CATSPERT: variants seen among roughly 807,000 people sequenced by gnomAD.
CATSPERT encodes the protein cation channel sperm-associated targeting subunit tau.
chr2:201,533,967 G>C, the CATSPERT span, among the ~76,000 whole-genome samples: 1 of 152,076 alleles, frequency 6.6e-6, no homozygotes, highest in Non-Finnish European at 1.5e-5. Context: ...TACATAGAAA[G>C]AGCACAAGTA....
chr2:201,574,489 T>C, the CATSPERT span, among the ~76,000 whole-genome samples: 2 of 152,234 alleles, frequency 1.3e-5, no homozygotes, highest in African/African-American at 4.8e-5. Flanking sequence ...AGTTAAGTAG[T>C]ATTATACAAT....
the CATSPERT span, among the ~76,000 whole-genome samples, chr2:201,592,668 T>C: frequency 6.6e-6 from 1 of 152,040 alleles, no homozygotes; most frequent in Non-Finnish European, 1.5e-5. Context: ...AGCCTGTTAT[T>C]GGTCTATTCA....
At chr2:201,611,477 G>A in the CATSPERT span, among the ~76,000 whole-genome samples, 1 of 152,112 alleles carries the variant, frequency 6.6e-6, no homozygotes, top group Admixed American at 6.5e-5. Context: ...GTTATAAGAG[G>A]AAAGGTTAGA....
the CATSPERT span, chr2:201,554,957 G>A: frequency 6.6e-6 from 1 of 152,196 alleles, no homozygotes; most frequent in African/African-American, 2.4e-5. Flanking sequence ...TGACATAATA[G>A]TCTTTTATGA....
chr2:201,530,296 G>GCATC, the CATSPERT span, among the ~76,000 whole-genome samples: 92,875 of 151,690 alleles, frequency 0.61, 30,176 homozygotes, highest in East Asian at 0.95. Context: ...AGAGATATCT[G>GCATC]CATCCCCGTG....
the CATSPERT span, chr2:201,494,113 T>TTC: frequency 6.5e-7 from 1 of 1,534,350 alleles, no homozygotes; most frequent in Non-Finnish European, 8.7e-7. Flanking sequence ...AGTCTTTGAA[T>TTC]TTAAAATGTC....
the CATSPERT span, chr2:201,491,296 G>T: frequency 1.3e-6 from 2 of 1,537,674 alleles, no homozygotes; most frequent in African/African-American, 2.7e-5. Flanking sequence ...TTTTGGTTGG[G>T]CGACACGGTC....
At chr2:201,491,241 G>A in the CATSPERT span, 21 of 1,537,904 alleles carry the variant, frequency 1.4e-5, no homozygotes, top group Middle Eastern at 1.7e-4. Flanking sequence ...TTCTTGTGGT[G>A]GGCAGTGTGG....
At chr2:201,533,978 G>T in the CATSPERT span, among the ~76,000 whole-genome samples, 2 of 152,066 alleles carry the variant, frequency 1.3e-5, no homozygotes, top group Non-Finnish European at 2.9e-5. Flanking sequence ...AGCACAAGTA[G>T]AAGCCCCATG....
the CATSPERT span, among the ~76,000 whole-genome samples, chr2:201,524,598 A>G: frequency 6.6e-6 from 1 of 152,336 alleles, no homozygotes; most frequent in East Asian, 1.9e-4. Flanking sequence ...CAACATGACG[A>G]CAGGATCAAA....
chr2:201,577,313 C>A, the CATSPERT span, among the ~76,000 whole-genome samples: 1 of 152,008 alleles, frequency 6.6e-6, no homozygotes, highest in Non-Finnish European at 1.5e-5. Context: ...TGATATTTAA[C>A]CCGTACAGAC....
chr2:201,548,324 A>G, the CATSPERT span, among the ~76,000 whole-genome samples: 8 of 152,266 alleles, frequency 5.3e-5, no homozygotes, highest in African/African-American at 1.7e-4. Flanking sequence ...ATATCCTCAC[A>G]TAGTGGAAAG....
At chr2:201,547,997 TAGTC>T in the CATSPERT span, among the ~76,000 whole-genome samples, 1 of 152,196 alleles carries the variant, frequency 6.6e-6, no homozygotes, top group African/African-American at 2.4e-5. Context: ...CTATACGTCT[TAGTC>T]AGTTTGAGCT....
At chr2:201,536,267 C>T in the CATSPERT span, 39 of 1,612,626 alleles carry the variant, frequency 2.4e-5, no homozygotes, top group Non-Finnish European at 3.0e-5. Flanking sequence ...TATCTTGGTC[C>T]GATTGGTTCA....
At chr2:201,610,457 C>CA in the CATSPERT span, among the ~76,000 whole-genome samples, 9,400 of 134,018 alleles carry the variant, frequency 0.07, 443 homozygotes, top group African/African-American at 0.13. Flanking sequence ...GACTCCGTCT[C>CA]AAAAAAAAAA....
the CATSPERT span, among the ~76,000 whole-genome samples, chr2:201,498,585 C>A: frequency 3.3e-5 from 5 of 152,248 alleles, no homozygotes; most frequent in Admixed American, 3.3e-4. Context: ...CACAGACACA[C>A]CCAGAAACAA....
the CATSPERT span, chr2:201,492,738 A>G: frequency 2.0e-6 from 3 of 1,535,506 alleles, no homozygotes; most frequent in Non-Finnish European, 2.6e-6. Context: ...CAGTTTCAGA[A>G]TATTTCCCCT....
the CATSPERT span, among the ~76,000 whole-genome samples, chr2:201,576,579 T>C: frequency 6.6e-6 from 1 of 152,226 alleles, no homozygotes; most frequent in Non-Finnish European, 1.5e-5. Flanking sequence ...TGTTACTTTG[T>C]TGTGGAATGT....
At chr2:201,565,225 C>T in the CATSPERT span, among the ~76,000 whole-genome samples, 6 of 151,632 alleles carry the variant, frequency 4.0e-5, no homozygotes, top group Non-Finnish European at 7.4e-5. Context: ...AATCCCAGCA[C>T]TTTCGGAGGC....
Sources: allele counts gnomAD v4.1 joint callset (sites outside exome capture counted in the v4.1 genomes callset), GRCh38; gene constraint gnomAD v4.1.1; transcripts MANE v1.5; gene names NCBI Gene and HGNC (gene_info 2026-07-23, HGNC 2026-07-21).